DMRT1: variants seen among roughly 807,000 people sequenced by gnomAD.
The protein encoded by DMRT1 is doublesex- and mab-3-related transcription factor 1.
Under a neutral mutation model 32.3 loss-of-function variants are expected in DMRT1, and 7 were observed. The observed-to-expected ratio is 0.22, with a 90% CI of 0.12 to 0.41. DMRT1 has a LOEUF of 0.41. DMRT1 is among the 10% of genes least tolerant of loss of function. DMRT1 has a pLI of 1.00. For missense variants in DMRT1, 625 were observed against 500.5 expected (o/e 1.25, Z -2.37); for synonymous variants, 278 against 206.1 (o/e 1.35, Z -2.99).
intron 4 of DMRT1, among the ~76,000 whole-genome samples, chr9:962,253 G>A (rs1233974751): frequency 6.6e-6 from 1 of 152,152 alleles, no homozygotes; most frequent in Non-Finnish European, 1.5e-5. Flanking sequence ...GAGGGTTTAG[G>A]AAGAGATGTC....
chr9:945,439 A>C (rs891767683), intron 4 of DMRT1, among the ~76,000 whole-genome samples: 13 of 152,218 alleles, frequency 8.5e-5, no homozygotes, highest in African/African-American at 2.9e-4. Context: ...TACAGGCATG[A>C]GCCACCGTAT....
At chr9:882,746 C>T (rs1213188332) in intron 2 of DMRT1, among the ~76,000 whole-genome samples, 32 of 150,688 alleles carry the variant, frequency 2.1e-4, no homozygotes, top group African/African-American at 1.5e-4. Context: ...GTGGCGCCCC[C>T]GTCTCCCCTG....
chr9:958,262 G>T (rs1263101922), intron 4 of DMRT1, among the ~76,000 whole-genome samples: 2 of 152,200 alleles, frequency 1.3e-5, no homozygotes, highest in Non-Finnish European at 2.9e-5. Context: ...CATATCATTT[G>T]TGCCACAATA....
At chr9:916,977 C>T in intron 4 of DMRT1, 70 bp downstream of exon 4, 1 of 1,520,688 alleles carries the variant, frequency 6.6e-7, no homozygotes, top group Non-Finnish European at 9.1e-7. Flanking sequence ...GGGTCATTAG[C>T]TGTGTCTAAT....
intron 4 of DMRT1, among the ~76,000 whole-genome samples, chr9:960,141 C>T (rs758189234): frequency 3.9e-5 from 6 of 152,206 alleles, no homozygotes; most frequent in Non-Finnish European, 8.8e-5. Context: ...TTGGCCCAGC[C>T]TCAGGAATGG....
At chr9:862,286 G>A (rs937737106) in intron 2 of DMRT1, among the ~76,000 whole-genome samples, 1 of 152,160 alleles carries the variant, frequency 6.6e-6, no homozygotes, top group African/African-American at 2.4e-5. Flanking sequence ...GACCACTCGC[G>A]GTCAGGAGCT....
chr9:953,519 C>T (rs572126848), intron 4 of DMRT1, among the ~76,000 whole-genome samples: 3 of 152,294 alleles, frequency 2.0e-5, no homozygotes, highest in South Asian at 2.1e-4. Context: ...CCTTTGATGA[C>T]AGGAAAGTTT....
chr9:860,533 A>T (rs1188418202), intron 2 of DMRT1, among the ~76,000 whole-genome samples: 1 of 152,140 alleles, frequency 6.6e-6, no homozygotes, highest in Non-Finnish European at 1.5e-5. Context: ...ACTGAGCCAG[A>T]TCCTATTCTA....
At chr9:909,353 A>G (rs990818551) in intron 3 of DMRT1, among the ~76,000 whole-genome samples, 1 of 152,158 alleles carries the variant, frequency 6.6e-6, no homozygotes, top group Non-Finnish European at 1.5e-5. Context: ...GAATGCTGAA[A>G]AATGAATAAG....
intron 4 of DMRT1, among the ~76,000 whole-genome samples, chr9:941,425 C>T (rs1393457511): frequency 2.1e-5 from 3 of 144,576 alleles, no homozygotes; most frequent in Non-Finnish European, 3.0e-5. Context: ...TGCTAAGTTA[C>T]ATGTCGTTCA....
At chr9:848,690 A>G (rs1839010663) in intron 2 of DMRT1, among the ~76,000 whole-genome samples, 1 of 149,100 alleles carries the variant, frequency 6.7e-6, no homozygotes, top group Non-Finnish European at 1.5e-5. Flanking sequence ...AGTAGCTAGG[A>G]CTACAGGCGC....
chr9:867,373 T>C (rs1279789125), intron 2 of DMRT1, among the ~76,000 whole-genome samples: 4 of 152,220 alleles, frequency 2.6e-5, no homozygotes, highest in Non-Finnish European at 5.9e-5. Flanking sequence ...GAGCGGGCAG[T>C]GCTTTATTCT....
At chr9:867,852 A>ATT (rs1225383029) in intron 2 of DMRT1, among the ~76,000 whole-genome samples, 1 of 152,156 alleles carries the variant, frequency 6.6e-6, no homozygotes, top group East Asian at 1.9e-4. Flanking sequence ...CTTGAGATAT[A>ATT]TTTTCTCTGT....
intron 4 of DMRT1, among the ~76,000 whole-genome samples, chr9:931,145 T>G (rs924298206): frequency 6.6e-6 from 1 of 152,250 alleles, no homozygotes; most frequent in African/African-American, 2.4e-5. Context: ...CTTCTTTCAT[T>G]TAGCATAATA....
At chr9:929,994 G>T (rs1209512983) in intron 4 of DMRT1, among the ~76,000 whole-genome samples, 1 of 152,136 alleles carries the variant, frequency 6.6e-6, no homozygotes, top group Admixed American at 6.5e-5. Flanking sequence ...GCTTCTGTAT[G>T]CTGTGGAATG....
At position 876,026 on chromosome 9, in the gene DMRT1, G is replaced by C. The variant is rs556575105; in HGVS notation, c.539-17886G>C. On this transcript the variant is annotated intron_variant, in intron 2 of 4. Transcript: ENST00000382276. Reference sequence around the variant, plus strand: ...CCCCTACACTGGGGATGCTGGAGTTGACACAGTATGGCATGCTTTGCTGCA... The same window carrying C: ...CCCCTACACTGGGGATGCTGGAGTTCACACAGTATGGCATGCTTTGCTGCA... Among the ~76,000 whole-genome samples the C allele has an allele frequency of 7.9e-5, 12 of 152,318 alleles. No homozygotes were observed. In the South Asian group the frequency reaches 2.5e-3, roughly 32 times the overall value.
chr9:932,386 A>G (rs1048434634), intron 4 of DMRT1, among the ~76,000 whole-genome samples: 12 of 152,220 alleles, frequency 7.9e-5, no homozygotes, highest in Non-Finnish European at 1.6e-4. Context: ...TTGATGTTAT[A>G]ATGAGCCAAT....
At chr9:849,814 GCT>G (rs60583253) in intron 2 of DMRT1, among the ~76,000 whole-genome samples, 1 of 148,038 alleles carries the variant, frequency 6.8e-6, no homozygotes, top group Non-Finnish European at 1.5e-5. Context: ...AGGACGATGG[GCT>G]CTCTCTCTCT....
At chr9:861,046 CTTTCTTT>C (rs1279064821) in intron 2 of DMRT1, among the ~76,000 whole-genome samples, 76 of 89,122 alleles carry the variant, frequency 8.5e-4, no homozygotes, top group African/African-American at 4.4e-3. Context: ...ATCTAATTTA[CTTTCTTT>C]TTTTTTTTTT....
Sources: allele counts gnomAD v4.1 joint callset (sites outside exome capture counted in the v4.1 genomes callset), GRCh38; gene constraint gnomAD v4.1.1; transcripts MANE v1.5; gene names NCBI Gene and HGNC (gene_info 2026-07-23, HGNC 2026-07-21).